The following PARD3 variants were observed in gnomAD, a reference collection of about 807,000 sequenced individuals.
PARD3 encodes the protein partitioning defective 3 homolog.
A neutral mutation model predicts 155.4 loss-of-function variants in PARD3; 75 were observed. That is an observed-to-expected ratio of 0.48 (90% CI 0.40 to 0.58). The LOEUF (loss-of-function observed/expected upper bound fraction) is 0.58, where lower values mean the gene tolerates loss of function less well. Ranked by LOEUF, PARD3 falls within the 20% of genes least tolerant of loss-of-function variation. The probability of loss-of-function intolerance (pLI) is 0.00; values close to 1 mark genes in which losing one functional copy is unlikely to be tolerated. For missense variants in PARD3, 1,642 were observed against 1,721.7 expected (o/e 0.95, Z 0.82); for synonymous variants, 576 against 610.5 (o/e 0.94, Z 0.83).
intron 2 of PARD3, among the ~76,000 whole-genome samples, chr10:34,638,775 C>G (rs1169838994): frequency 6.6e-6 from 1 of 152,234 alleles, no homozygotes; most frequent in Non-Finnish European, 1.5e-5. Flanking sequence ...TCTGGCAAAA[C>G]CACGTAAAAA....
At chr10:34,187,931 G>A (rs939037337) in intron 22 of PARD3, among the ~76,000 whole-genome samples, 2 of 148,264 alleles carry the variant, frequency 1.3e-5, no homozygotes. Context: ...CCCTTTCTAG[G>A]ATGGGACAAC....
At chr10:34,245,773 C>T (rs975548512) in intron 22 of PARD3, among the ~76,000 whole-genome samples, 2 of 152,160 alleles carry the variant, frequency 1.3e-5, no homozygotes, top group Non-Finnish European at 2.9e-5. Context: ...TACACAGTGG[C>T]AGCCACGGTC....
intron 22 of PARD3, among the ~76,000 whole-genome samples, chr10:34,233,474 T>C (rs1953048047): frequency 6.6e-6 from 1 of 152,006 alleles, no homozygotes; most frequent in Non-Finnish European, 1.5e-5. Context: ...GCATGTTGAT[T>C]TCCACATCCA....
intron 22 of PARD3, among the ~76,000 whole-genome samples, chr10:34,209,283 A>G (rs1412292817): frequency 6.6e-6 from 1 of 152,188 alleles, no homozygotes; most frequent in Non-Finnish European, 1.5e-5. Context: ...ATCTAGCAGA[A>G]TATGTAGTTG....
At chr10:34,291,616 T>C (rs1034757385) in intron 20 of PARD3, among the ~76,000 whole-genome samples, 1 of 152,218 alleles carries the variant, frequency 6.6e-6, no homozygotes, top group East Asian at 1.9e-4. Context: ...GGTCATATAG[T>C]GAGTGAGTAG....
At chr10:34,477,105 T>C (rs2078763759) in intron 3 of PARD3, among the ~76,000 whole-genome samples, 1 of 152,196 alleles carries the variant, frequency 6.6e-6, no homozygotes, top group African/African-American at 2.4e-5. Context: ...CTGGGGCCCA[T>C]GGCCTATTTC....
chr10:34,248,690 G>A (rs921784553), intron 22 of PARD3, among the ~76,000 whole-genome samples: 7 of 152,216 alleles, frequency 4.6e-5, no homozygotes, highest in Admixed American at 4.6e-4. Context: ...TAGAAAAATG[G>A]CTGTGAAGCC....
intron 3 of PARD3, among the ~76,000 whole-genome samples, chr10:34,481,208 ATTT>A (rs1239150615): frequency 5.3e-5 from 8 of 151,926 alleles, no homozygotes; most frequent in African/African-American, 1.9e-4. Flanking sequence ...TTATTTATTT[ATTT>A]ATTTATTTAT....
intron 2 of PARD3, among the ~76,000 whole-genome samples, chr10:34,522,664 G>A (rs189970090): frequency 2.0e-5 from 3 of 152,214 alleles, no homozygotes; most frequent in East Asian, 1.9e-4. Flanking sequence ...AAAAGAACAC[G>A]GAAAGAAGAC....
intron 1 of PARD3, among the ~76,000 whole-genome samples, chr10:34,740,652 CA>C (rs1418917098): frequency 1.3e-5 from 2 of 152,074 alleles, no homozygotes; most frequent in African/African-American, 4.8e-5. Flanking sequence ...TTAAGGCTTC[CA>C]AAGGCCTCTC....
At chr10:34,532,161 G>A (rs970733661) in intron 2 of PARD3, among the ~76,000 whole-genome samples, 6 of 152,090 alleles carry the variant, frequency 3.9e-5, no homozygotes, top group Non-Finnish European at 8.8e-5. Flanking sequence ...TTAACTTCTT[G>A]TAACAGATTT....
intron 22 of PARD3, among the ~76,000 whole-genome samples, chr10:34,135,333 G>T (rs536607245): frequency 1.3e-5 from 2 of 152,192 alleles, no homozygotes; most frequent in Admixed American, 6.5e-5. Context: ...TAAATGAAGA[G>T]GGTTTGCTTT....
rs148258217 is a variant in PARD3, at chr10:34,277,754, G to A, written c.3176+6381C>T. ...CAAAACGGTTAAAAGTTGAAAAAGA[G>A]ATAAAAGAAAGCATTAACAGGGAGA... is the stretch of plus-strand genomic sequence containing the variant. On this transcript the variant is annotated intron_variant, in intron 21 of 24. Coordinates refer to ENST00000374788, the MANE Select transcript of PARD3 (RefSeq NM_001184785.2). 9.3e-3 allele frequency among the ~76,000 whole-genome samples: 1,415 copies of A among 152,204 alleles called. 11 individuals carry two copies. Among genetic ancestry groups the A allele is most frequent in the Non-Finnish European group, 0.015 (1,021 of 68,012 alleles).
intron 1 of PARD3, among the ~76,000 whole-genome samples, chr10:34,771,573 G>A (rs9418120): frequency 0.35 from 52,959 of 152,188 alleles, 10,253 homozygotes; most frequent in East Asian, 0.54. Flanking sequence ...AAAGAAAAAT[G>A]ACGTCGGTCA....
At position 34,511,558 on chromosome 10, in the gene PARD3, G is replaced by A. The variant is rs565750626; in HGVS notation, c.403+5421C>T. On this transcript the variant is annotated intron_variant, in intron 3 of 24. Transcript: ENST00000374788. Reference sequence around the variant, plus strand: ...ATGCAGCATCCTCACATGACAAAGCGACAGAGTAACCCCAGTACTTCAAGC... The same window carrying A: ...ATGCAGCATCCTCACATGACAAAGCAACAGAGTAACCCCAGTACTTCAAGC... Among the ~76,000 whole-genome samples the A allele has an allele frequency of 7.9e-5, 12 of 152,230 alleles. No homozygotes were observed. The South Asian group carries it at 2.3e-3, about 29-fold the overall frequency.
Position 34,374,894 on chromosome 10 carries a change from C to T in PARD3, c.1648G>A (p.Ala550Thr), listed in dbSNP as rs971596848. ...CACACCAGTTCCCTTGGGTGGAAGG[C>T]GTCTTCCTGGCGAAAGACCAGAAGG... The part of the protein sequence containing the change: ...VSLLVFRQED[A>T]FHPRELNAEP... The change falls in exon 11 of 25, where the codon GCC becomes ACC. Residue 550 changes from alanine (A) to threonine (T), a missense_variant. Ala to Thr is a moderately conservative substitution (Grantham distance 58). This residue lies in a region of PARD3 where 1,529 missense variants were observed against 1,587.3 expected (regional missense o/e 0.96). Coordinates refer to ENST00000374788, the MANE Select transcript of PARD3 (RefSeq NM_001184785.2). 12 of 1,613,796 alleles carry T rather than the reference C, an allele frequency of 7.4e-6. No homozygotes were observed. Among genetic ancestry groups the T allele is most frequent in the African/African-American group, 2.7e-5 (2 of 74,882 alleles).
At chr10:34,746,592 T>C (rs1264772811) in intron 1 of PARD3, among the ~76,000 whole-genome samples, 1 of 151,282 alleles carries the variant, frequency 6.6e-6, no homozygotes, top group Non-Finnish European at 1.5e-5. Context: ...CAGCTTCATA[T>C]CAAGTAGAAA....
chr10:34,134,464 C>T (rs1261329340), intron 22 of PARD3, among the ~76,000 whole-genome samples: 1 of 152,106 alleles, frequency 6.6e-6, no homozygotes, highest in Non-Finnish European at 1.5e-5. Context: ...AACTGACCTC[C>T]TACTATTTGC....
At chr10:34,478,173 T>A (rs2078837033) in intron 3 of PARD3, among the ~76,000 whole-genome samples, 1 of 152,226 alleles carries the variant, frequency 6.6e-6, no homozygotes, top group Non-Finnish European at 1.5e-5. Flanking sequence ...TTTTTCTATA[T>A]AAGCAATAAA....
Sources: allele counts gnomAD v4.1 joint callset (sites outside exome capture counted in the v4.1 genomes callset), GRCh38; gene constraint gnomAD v4.1.1; regional missense constraint gnomAD v4.1.1; transcripts MANE v1.5; gene names NCBI Gene and HGNC (gene_info 2026-07-23, HGNC 2026-07-21).